Variants in CATSPERB observed in about 807,000 individuals in gnomAD.
The protein encoded by CATSPERB is catsper channel auxiliary subunit beta.
In CATSPERB, 93 loss-of-function variants were observed where a neutral mutation model predicts 128.3. That is an observed-to-expected ratio of 0.72 (90% CI 0.61 to 0.86). The LOEUF (loss-of-function observed/expected upper bound fraction) is 0.86, where lower values mean the gene tolerates loss of function less well. CATSPERB is among the 40% of genes least tolerant of loss of function. The probability of loss-of-function intolerance (pLI) is 0.00; values close to 1 mark genes in which losing one functional copy is unlikely to be tolerated. For synonymous variants in CATSPERB, 381 were observed against 448.8 expected (o/e 0.85, Z 1.91); for missense variants, 1,153 against 1,329.5 (o/e 0.87, Z 2.06).
Position 91,673,012 on chromosome 14 carries a change from C to G in CATSPERB, c.983G>C (p.Ser328Thr). 1.3e-6 allele frequency: 2 copies of G among 1,569,510 alleles called. No homozygotes were observed. Among genetic ancestry groups the G allele is most frequent in the African/African-American group, 1.4e-5 (1 of 71,654 alleles). The change falls in exon 13 of 27, where the codon AGC becomes ACC. Residue 328 changes from serine (S) to threonine (T), a missense_variant. By Grantham distance (58) the Ser-to-Thr change is moderately conservative (BLOSUM62 1). Coordinates refer to ENST00000256343, the MANE Select transcript of CATSPERB (RefSeq NM_024764.4). Reference sequence around the variant, plus strand: ...TGGTTCCTGACTATAAAAACAAGAGCTTGACTATAAAAAAAAGAAGGGAAA... The same window carrying G: ...TGGTTCCTGACTATAAAAACAAGAGGTTGACTATAAAAAAAAGAAGGGAAA... ...FERNRTLSESSSCFYSQEPFL... is the reference protein window; with the variant it reads ...FERNRTLSESTSCFYSQEPFL...
At chr14:91,676,042 C>A (rs574865296) in intron 11 of CATSPERB, among the ~76,000 whole-genome samples, 1 of 152,240 alleles carries the variant, frequency 6.6e-6, no homozygotes, top group African/African-American at 2.4e-5. Context: ...TCATTTGTTG[C>A]CCTTCCATTA....
At position 91,660,655 on chromosome 14, in the gene CATSPERB, G is replaced by T. The variant is rs1377839253; in HGVS notation, c.1288-674C>A. Among the ~76,000 whole-genome samples the T allele has an allele frequency of 2.6e-5, 4 of 151,928 alleles. No individual in the cohort carries two copies. In the East Asian group the frequency reaches 7.7e-4, roughly 29 times the overall value. ...TTCACATGAAGATTTCTGTTGTTTG[G>T]ATTTTTAAAAAATTAATTTTAATAA... On this transcript the variant is annotated intron_variant, in intron 14 of 26. Coordinates refer to ENST00000256343, the MANE Select transcript of CATSPERB (RefSeq NM_024764.4).
intron 15 of CATSPERB, among the ~76,000 whole-genome samples, chr14:91,652,461 C>A (rs1023509167): frequency 1.7e-4 from 25 of 150,754 alleles, no homozygotes; most frequent in African/African-American, 5.6e-4. Flanking sequence ...GAGTTTGAGA[C>A]CAGCCTGGCC....
intron 15 of CATSPERB, among the ~76,000 whole-genome samples, chr14:91,655,214 G>C (rs1190135042): frequency 6.6e-6 from 1 of 152,160 alleles, no homozygotes; most frequent in Non-Finnish European, 1.5e-5. Flanking sequence ...AAGAAAGACA[G>C]GTACGAACAA....
intron 17 of CATSPERB, among the ~76,000 whole-genome samples, chr14:91,630,830 C>T (rs1894262188): frequency 6.6e-6 from 1 of 152,182 alleles, no homozygotes. Flanking sequence ...TCTGCTGACA[C>T]CAAGAAGAAA....
chr14:91,636,232 G>A, intron 17 of CATSPERB, 193 bp downstream of exon 17: 1 of 523,226 alleles, frequency 1.9e-6, no homozygotes, highest in Admixed American at 3.2e-5. Context: ...GCTTGGTGGT[G>A]TGTGCCTGCA....
At chr14:91,691,361 C>T (rs1472845705) in intron 10 of CATSPERB, among the ~76,000 whole-genome samples, 162 bp downstream of exon 10, 1 of 151,908 alleles carries the variant, frequency 6.6e-6, no homozygotes, top group Non-Finnish European at 1.5e-5. Flanking sequence ...ATAATATATG[C>T]TACAAATTCA....
intron 5 of CATSPERB, among the ~76,000 whole-genome samples, chr14:91,718,945 T>C (rs1303512881): frequency 6.6e-6 from 1 of 150,646 alleles, no homozygotes; most frequent in African/African-American, 2.5e-5. Context: ...AGATCAATAC[T>C]CACAGTTCCT....
chr14:91,618,770 T>C (rs1376550980), intron 19 of CATSPERB, among the ~76,000 whole-genome samples: 1 of 152,234 alleles, frequency 6.6e-6, no homozygotes, highest in Non-Finnish European at 1.5e-5. Context: ...TCTTTACCAA[T>C]CAATAAACCA....
rs774486585 is a variant in CATSPERB, at chr14:91,704,634, A to T, written c.534T>A (p.His178Gln). 6.2e-7 allele frequency: 1 copy of T among 1,613,850 alleles called. No homozygotes were observed. The highest frequency in any genetic ancestry group is 1.3e-5 in the African/African-American group (1 of 75,046). Residue 178 changes from histidine to glutamine, a missense_variant, in exon 7 of 27, where the codon CAT becomes CAA. Transcript: ENST00000256343. ...ATTTTGTCACTTTGAGATCTACCAC[A>T]TGTGGATATAATTTACTGATTTCAC... is the stretch of plus-strand genomic sequence containing the variant. ...PESEISKLYPHVVDLKVTKCP... is the reference protein window; with the variant it reads ...PESEISKLYPQVVDLKVTKCP...
At chr14:91,591,833 T>C in intron 23 of CATSPERB, 59 bp downstream of exon 23, 3 of 1,175,976 alleles carry the variant, frequency 2.6e-6, no homozygotes, top group East Asian at 2.3e-5. Context: ...TAAAGGCACA[T>C]TTCAAAATCT....
chr14:91,672,798 A>C, intron 13 of CATSPERB, 69 bp downstream of exon 13: 1 of 1,262,804 alleles, frequency 7.9e-7, no homozygotes, highest in East Asian at 2.7e-5. Context: ...ACTTGAAAAT[A>C]ACTTTTGCTA....
At chr14:91,694,790 C>G (rs1159866524) in intron 7 of CATSPERB, among the ~76,000 whole-genome samples, 3 of 152,122 alleles carry the variant, frequency 2.0e-5, no homozygotes, top group African/African-American at 7.2e-5. Flanking sequence ...CCAACCCCAC[C>G]TTTTCTTGGT....
chr14:91,627,050 C>T (rs1463488264), intron 17 of CATSPERB, among the ~76,000 whole-genome samples: 2 of 152,126 alleles, frequency 1.3e-5, no homozygotes, highest in Non-Finnish European at 2.9e-5. Flanking sequence ...TTTGGTCGAC[C>T]TCATTTGTAA....
chr14:91,726,683 T>C (rs2077198065), intron 2 of CATSPERB, among the ~76,000 whole-genome samples: 2 of 152,294 alleles, frequency 1.3e-5, no homozygotes, highest in South Asian at 4.1e-4. Context: ...TTAGAAGAAC[T>C]GTAGATGAGA....
intron 17 of CATSPERB, among the ~76,000 whole-genome samples, chr14:91,628,135 T>C (rs1281190714): frequency 1.3e-5 from 2 of 152,232 alleles, no homozygotes; most frequent in African/African-American, 2.4e-5. Context: ...AAGTGGCATA[T>C]TCTTTGTTTT....
chr14:91,630,403 G>A (rs1164589175), intron 17 of CATSPERB, among the ~76,000 whole-genome samples: 3 of 152,262 alleles, frequency 2.0e-5, no homozygotes, highest in East Asian at 3.9e-4. Context: ...ACTTTTCTGA[G>A]CTATGAATTC....
rs992791399 is a variant in CATSPERB at position 91,590,892 on chromosome 14, C to T, written c.2820+1000G>A. On this transcript the variant is annotated intron_variant, in intron 23 of 26. Coordinates refer to ENST00000256343, the MANE Select transcript of CATSPERB (RefSeq NM_024764.4). ...GGTCTCAATCTCCTGACCTCATGAT[C>T]CGCCCGCCTCGGCCTCCCAAAGTGC... 2.0e-5 allele frequency among the ~76,000 whole-genome samples: 3 copies of T among 152,090 alleles called. No homozygotes were observed. The South Asian group carries it at 6.2e-4, about 32-fold the overall frequency.
chr14:91,631,429 C>T (rs924984239), intron 17 of CATSPERB, among the ~76,000 whole-genome samples: 16 of 152,048 alleles, frequency 1.1e-4, no homozygotes, highest in African/African-American at 1.2e-4. Flanking sequence ...TTTGGGAGGC[C>T]GAGGCGGGTG....
Sources: gnomAD v4.1 joint callset for allele counts (sites outside exome capture counted in the v4.1 genomes callset) on GRCh38, gnomAD v4.1.1 for gene constraint, MANE v1.5 for transcripts, NCBI Gene and HGNC (gene_info 2026-07-23, HGNC 2026-07-21) for gene names.